SYT16: variants seen among roughly 807,000 people sequenced by gnomAD.
SYT16 encodes synaptotagmin 16.
Under a neutral mutation model 61.4 loss-of-function variants are expected in SYT16, and 42 were observed. That is an observed-to-expected ratio of 0.68 (90% CI 0.53 to 0.89). The LOEUF is 0.89. SYT16 is among the 40% of genes least tolerant of loss of function. The pLI is 0.00. For synonymous variants in SYT16, 314 were observed against 302.3 expected, an observed-to-expected ratio of 1.04 and a Z score of -0.40; for missense variants, 804 against 807.3, an observed-to-expected ratio of 1.00 and a Z score of 0.05.
intron 3 of SYT16, among the ~76,000 whole-genome samples, chr14:62,034,000 A>C (rs1045812313): frequency 6.6e-6 from 1 of 152,206 alleles, no homozygotes; most frequent in African/African-American, 2.4e-5. Flanking sequence ...AAGAGTTATT[A>C]CAGCTAAATA....
chr14:61,859,225 T>C (rs989213309), intron 1 of SYT16, among the ~76,000 whole-genome samples: 3 of 152,096 alleles, frequency 2.0e-5, no homozygotes, highest in South Asian at 2.1e-4. Context: ...ACAGCCAACC[T>C]GGGAGCTTGC....
chr14:62,036,808 G>C (rs527354144), intron 3 of SYT16, among the ~76,000 whole-genome samples: 2 of 152,202 alleles, frequency 1.3e-5, no homozygotes, highest in East Asian at 3.9e-4. Flanking sequence ...TGACACATGG[G>C]GATTATGGGA....
Position 62,075,459 on chromosome 14 carries a change from T to C in SYT16, c.993+68T>C, listed in dbSNP as rs77237781. 5,270 of 1,368,818 alleles carry C rather than the reference T, an allele frequency of 3.9e-3. 139 individuals are homozygous for C. The African/African-American group carries it at 0.069, about 18-fold the overall frequency. 84.8% of individuals were successfully genotyped at this position (1,368,818 alleles called of 1,614,324 possible). A position where few individuals can be genotyped will look rare whatever the true frequency, so the allele number is the denominator to read the frequency against. On this transcript the variant is annotated intron_variant, in intron 5 of 7. Coordinates refer to ENST00000683842, the MANE Select transcript of SYT16 (RefSeq NM_001367656.1). ...CTTCCCCTCTTTCCACTCTCCTTTCTCATCTCTCTAAAAAAAAAAAAAAAT... is the reference window on the plus strand; with the variant it reads ...CTTCCCCTCTTTCCACTCTCCTTTCCCATCTCTCTAAAAAAAAAAAAAAAT...
At chr14:62,025,194 C>T (rs1414490245) in intron 3 of SYT16, among the ~76,000 whole-genome samples, 1 of 152,076 alleles carries the variant, frequency 6.6e-6, no homozygotes, top group Admixed American at 6.6e-5. Flanking sequence ...AAGAGGCTGC[C>T]ACACTGTCTT....
intron 1 of SYT16, among the ~76,000 whole-genome samples, chr14:61,929,843 T>A (rs1216775849): frequency 1.3e-5 from 2 of 152,242 alleles, no homozygotes; most frequent in African/African-American, 2.4e-5. Context: ...TGCCTTTTTT[T>A]AAAACTGAAA....
At chr14:61,998,317 T>A (rs1170491935) in intron 3 of SYT16, among the ~76,000 whole-genome samples, 1 of 152,008 alleles carries the variant, frequency 6.6e-6, no homozygotes, top group Non-Finnish European at 1.5e-5. Flanking sequence ...GGTTTTGTTA[T>A]GTCAGAAAAT....
chr14:61,881,912 T>C (rs142679266), intron 1 of SYT16, among the ~76,000 whole-genome samples: 1 of 152,324 alleles, frequency 6.6e-6, no homozygotes, highest in East Asian at 1.9e-4. Flanking sequence ...TTACTTTTTC[T>C]CATTCCCACA....
intron 1 of SYT16, among the ~76,000 whole-genome samples, chr14:61,860,809 G>C (rs1192927324): frequency 1.3e-5 from 2 of 152,088 alleles, no homozygotes; most frequent in East Asian, 3.9e-4. Context: ...CTCCAGCCTT[G>C]TTTAGCTATG....
intron 3 of SYT16, among the ~76,000 whole-genome samples, chr14:62,066,045 G>T (rs941574479): frequency 1.3e-5 from 2 of 152,222 alleles, no homozygotes; most frequent in African/African-American, 4.8e-5. Context: ...CTCCATAAAA[G>T]AGAAGATCAG....
intron 1 of SYT16, among the ~76,000 whole-genome samples, chr14:61,913,179 G>A (rs1340953148): frequency 6.6e-6 from 1 of 152,034 alleles, no homozygotes; most frequent in African/African-American, 2.4e-5. Context: ...ATTAAAATTT[G>A]TGTATTTCTG....
intron 3 of SYT16, among the ~76,000 whole-genome samples, chr14:62,003,165 C>A (rs2053088952): frequency 6.6e-6 from 1 of 152,026 alleles, no homozygotes; most frequent in Non-Finnish European, 1.5e-5. Flanking sequence ...GCTTTTGTTT[C>A]ATAGTGGAAA....
chr14:61,994,212 G>A (rs1220510807), intron 2 of SYT16, among the ~76,000 whole-genome samples: 1 of 152,182 alleles, frequency 6.6e-6, no homozygotes, highest in Non-Finnish European at 1.5e-5. Context: ...CATGTTGTGA[G>A]TCTAGAGTGA....
At chr14:61,881,296 T>G (rs1402510137) in intron 1 of SYT16, among the ~76,000 whole-genome samples, 17 of 152,246 alleles carry the variant, frequency 1.1e-4, no homozygotes, top group Admixed American at 1.1e-3. Flanking sequence ...GTGCTCCATT[T>G]GGCTGCTCCC....
chr14:61,899,469 A>G (rs750000292), intron 1 of SYT16, among the ~76,000 whole-genome samples: 6 of 152,244 alleles, frequency 3.9e-5, no homozygotes, highest in South Asian at 2.1e-4. Flanking sequence ...GGATGTAACA[A>G]TCTGCCTACA....
At chr14:61,932,978 G>C (rs1423116300) in intron 1 of SYT16, among the ~76,000 whole-genome samples, 2 of 152,172 alleles carry the variant, frequency 1.3e-5, no homozygotes, top group Non-Finnish European at 2.9e-5. Flanking sequence ...ACACTGATCA[G>C]CTATATACAA....
intron 7 of SYT16, among the ~76,000 whole-genome samples, chr14:62,098,097 A>C (rs1291761688): frequency 1.3e-5 from 2 of 152,246 alleles, no homozygotes; most frequent in African/African-American, 4.8e-5. Flanking sequence ...AACACATCAA[A>C]CTGAAATAGA....
rs1566751979 is a variant in SYT16, at chr14:62,000,098, G to GGTTTTTTTTTTTTTTTTTTTT, written c.523+3556_523+3557insGTTTTTTTTTTTTTTTTTTTT. Among the ~76,000 whole-genome samples, 8 of 35,518 alleles carry GGTTTTTTTTTTTTTTTTTTTT rather than the reference G, an allele frequency of 2.3e-4. 1 individual carries two copies. Among genetic ancestry groups the GGTTTTTTTTTTTTTTTTTTTT allele is most frequent in the African/African-American group, 1.9e-4 (1 of 5,372 alleles). 23.3% of individuals were successfully genotyped at this position (35,518 alleles called of 152,430 possible). On this transcript the variant is annotated intron_variant, in intron 3 of 7. Transcript: ENST00000683842. ...TTTTCTAATACTTATTTTGTCTCTC[G>GGTTTTTTTTTTTTTTTTTTTT]ATTTTTTTTTTTTTTTTTTTTTTTT...
intron 1 of SYT16, among the ~76,000 whole-genome samples, chr14:61,929,466 C>T (rs566749284): frequency 1.3e-5 from 2 of 152,250 alleles, no homozygotes; most frequent in South Asian, 2.1e-4. Flanking sequence ...ACCTGGCGGT[C>T]GTGCCTAGCA....
intron 3 of SYT16, among the ~76,000 whole-genome samples, chr14:62,037,644 C>T (rs1051962166): frequency 2.0e-5 from 3 of 152,120 alleles, no homozygotes; most frequent in Non-Finnish European, 1.5e-5. Context: ...TGTTTTATTA[C>T]AAGGTGTTTC....
Sources: allele counts gnomAD v4.1 joint callset (sites outside exome capture counted in the v4.1 genomes callset), GRCh38; gene constraint gnomAD v4.1.1; transcripts MANE v1.5; gene names NCBI Gene and HGNC (gene_info 2026-07-23, HGNC 2026-07-21).